Variants in ENTREP2 observed in about 807,000 individuals in gnomAD.
ENTREP2 encodes the protein endosomal transmembrane epsin interactor 2, also known as protein ENTREP2.
the ENTREP2 span, among the ~76,000 whole-genome samples, chr15:29,299,950 T>C: frequency 6.9e-6 from 1 of 144,484 alleles, no homozygotes; most frequent in Non-Finnish European, 1.5e-5. Context: ...GGTGGGTAGA[T>C]GGATGGGTGG....
chr15:29,248,255 C>A, the ENTREP2 span, among the ~76,000 whole-genome samples: 2 of 151,904 alleles, frequency 1.3e-5, no homozygotes, highest in Admixed American at 6.6e-5. Context: ...AAAAAGCACA[C>A]CATAACCAGG....
At chr15:29,435,500 A>C in the ENTREP2 span, among the ~76,000 whole-genome samples, 1 of 152,064 alleles carries the variant, frequency 6.6e-6, no homozygotes, top group South Asian at 2.1e-4. Flanking sequence ...TATGTTTGTT[A>C]ATATCCTTTT....
the ENTREP2 span, among the ~76,000 whole-genome samples, chr15:29,587,847 C>A: frequency 6.6e-6 from 1 of 151,978 alleles, no homozygotes; most frequent in African/African-American, 2.4e-5. Context: ...TTAGTAGAAA[C>A]GGGGTTTCAC....
the ENTREP2 span, among the ~76,000 whole-genome samples, chr15:29,193,198 G>A: frequency 2.6e-5 from 4 of 152,214 alleles, no homozygotes; most frequent in East Asian, 3.9e-4. Flanking sequence ...AAGGATACTC[G>A]AGAACTGGCA....
chr15:29,261,558 T>C, the ENTREP2 span, among the ~76,000 whole-genome samples: 8 of 152,228 alleles, frequency 5.3e-5, no homozygotes, highest in Non-Finnish European at 1.2e-4. Flanking sequence ...TTCACTTCTT[T>C]TTTAAAGGAC....
the ENTREP2 span, among the ~76,000 whole-genome samples, chr15:29,214,772 T>A: frequency 6.6e-6 from 1 of 152,252 alleles, no homozygotes; most frequent in African/African-American, 2.4e-5. Flanking sequence ...CCTTTTGGAG[T>A]TGATTTCCAG....
the ENTREP2 span, among the ~76,000 whole-genome samples, chr15:29,423,629 T>C: frequency 3.1e-4 from 9 of 29,112 alleles, no homozygotes; most frequent in Non-Finnish European, 5.3e-4. Context: ...CTACTAAAAA[T>C]ACAAAAAAAA....
the ENTREP2 span, among the ~76,000 whole-genome samples, chr15:29,365,899 A>AC: frequency 6.6e-6 from 1 of 151,776 alleles, no homozygotes; most frequent in Non-Finnish European, 1.5e-5. Context: ...CCACCCAGCA[A>AC]CCCCCCGAAT....
At chr15:29,341,335 C>T in the ENTREP2 span, among the ~76,000 whole-genome samples, 1 of 152,222 alleles carries the variant, frequency 6.6e-6, no homozygotes, top group Non-Finnish European at 1.5e-5. Flanking sequence ...AGTTATTCAT[C>T]CATTAATTAC....
At chr15:29,641,139 A>G in the ENTREP2 span, among the ~76,000 whole-genome samples, 2 of 152,222 alleles carry the variant, frequency 1.3e-5, no homozygotes, top group African/African-American at 4.8e-5. Flanking sequence ...TAATTTAAAA[A>G]AGTCACTTTT....
chr15:29,216,882 A>C, the ENTREP2 span, among the ~76,000 whole-genome samples: 1 of 152,150 alleles, frequency 6.6e-6, no homozygotes, highest in South Asian at 2.1e-4. Context: ...GAAAAGAAAA[A>C]CACCACACTT....
chr15:29,143,860 T>C, the ENTREP2 span, among the ~76,000 whole-genome samples: 1 of 152,100 alleles, frequency 6.6e-6, no homozygotes, highest in Non-Finnish European at 1.5e-5. Flanking sequence ...GAAACAGCAG[T>C]GAGCAGTAAA....
At chr15:29,159,754 G>A in the ENTREP2 span, among the ~76,000 whole-genome samples, 2 of 152,190 alleles carry the variant, frequency 1.3e-5, no homozygotes, top group African/African-American at 4.8e-5. Context: ...GGTGCTGATT[G>A]GTGTGTTTAC....
the ENTREP2 span, among the ~76,000 whole-genome samples, chr15:29,219,614 AATATATAT>A: frequency 0.011 from 435 of 38,224 alleles, 4 homozygotes; most frequent in African/African-American, 0.023. Context: ...GTGGTGCATA[AATATATAT>A]ATATATATAT....
At chr15:29,371,027 TGTC>T in the ENTREP2 span, among the ~76,000 whole-genome samples, 1 of 148,480 alleles carries the variant, frequency 6.7e-6, no homozygotes, top group South Asian at 2.1e-4. Flanking sequence ...TTACTGTCGT[TGTC>T]ATCATCATCA....
chr15:29,335,992 A>C, the ENTREP2 span, among the ~76,000 whole-genome samples: 1 of 151,780 alleles, frequency 6.6e-6, no homozygotes, highest in Non-Finnish European at 1.5e-5. Flanking sequence ...ATACAAAAAA[A>C]TTAGCCGGGC....
the ENTREP2 span, among the ~76,000 whole-genome samples, chr15:29,348,261 G>A: frequency 6.6e-6 from 1 of 152,304 alleles, no homozygotes; most frequent in East Asian, 1.9e-4. Context: ...CACAGTGAGA[G>A]GGCAAGAGGC....
At chr15:29,468,845 T>G in the ENTREP2 span, among the ~76,000 whole-genome samples, 1 of 152,180 alleles carries the variant, frequency 6.6e-6, no homozygotes, top group East Asian at 1.9e-4. Flanking sequence ...AATTTTCTTA[T>G]GTAACCCCAG....
the ENTREP2 span, among the ~76,000 whole-genome samples, chr15:29,482,272 A>T: frequency 6.6e-6 from 1 of 151,712 alleles, no homozygotes; most frequent in African/African-American, 2.4e-5. Flanking sequence ...AGCCTCCCAA[A>T]GTGCTGAGAT....
Sources: gnomAD v4.1 joint callset for allele counts (sites outside exome capture counted in the v4.1 genomes callset) on GRCh38, gnomAD v4.1.1 for gene constraint, MANE v1.5 for transcripts, NCBI Gene and HGNC (gene_info 2026-07-23, HGNC 2026-07-21) for gene names.